NAP1L4: variants seen among roughly 807,000 people sequenced by gnomAD.
NAP1L4 encodes the protein nucleosome assembly protein 1 like 4.
NAP1L4 carries 15 observed loss-of-function variants against 58.2 expected under a neutral mutation model. The observed-to-expected ratio is 0.26, with a 90% CI of 0.17 to 0.40. The LOEUF (loss-of-function observed/expected upper bound fraction) is 0.40. Among genes scored for constraint, NAP1L4 ranks in the 10% least tolerant of loss-of-function variants. NAP1L4 has a pLI of 1.00. For missense variants in NAP1L4, 384 were observed against 451.1 expected (o/e 0.85, Z 1.35); for synonymous variants, 171 against 155.6 (o/e 1.10, Z -0.74).
At chr11:2,967,426 C>T (rs1847348999) in intron 7 of NAP1L4, among the ~76,000 whole-genome samples, 1 of 152,046 alleles carries the variant, frequency 6.6e-6, no homozygotes, top group Non-Finnish European at 1.5e-5. Context: ...TCCTGGCTAA[C>T]ACAGTGAAAC....
chr11:2,955,609 C>T lies in NAP1L4; in HGVS notation c.915+135G>A. On this transcript the variant is annotated intron_variant, in intron 11 of 15. Coordinates refer to ENST00000380542, the MANE Select transcript of NAP1L4 (RefSeq NM_005969.4). This position sits in a 1 kb window ranked among gnomAD's most constrained non-coding sequence, Gnocchi z 4.2. The stretch of plus-strand genomic sequence containing the variant: ...TCGTGCAGTCCTCCCACCTCAGCCT[C>T]CCAAAGCATTAAGATCACTGGCATA... 1 of 840,572 alleles carries T rather than the reference C, an allele frequency of 1.2e-6. No individual in the cohort carries two copies. 52.1% of individuals were successfully genotyped at this position (840,572 alleles called of 1,614,324 possible). A position where few individuals can be genotyped will look rare whatever the true frequency, so the allele number is the denominator to read the frequency against.
intron 1 of NAP1L4, among the ~76,000 whole-genome samples, chr11:2,986,687 C>T (rs529783499): frequency 6.8e-5 from 10 of 147,190 alleles, no homozygotes; most frequent in African/African-American, 1.8e-4. Flanking sequence ...CGTGCAGTGG[C>T]GCGATCTCGG....
intron 3 of NAP1L4, among the ~76,000 whole-genome samples, chr11:2,976,808 T>G (rs536175514): frequency 1.3e-5 from 2 of 152,276 alleles, no homozygotes; most frequent in East Asian, 3.9e-4. Flanking sequence ...CCTGACAAGG[T>G]AGTGACTGTC....
rs1339856698 is a variant in NAP1L4 at position 2,959,913 on chromosome 11, A to C, written c.607-4T>G. ...AGTGGAACTCTAACACAAAAGACTA[A>C]AAGTAGAAATTCAGAGTAAGCACCA... On this transcript the variant is annotated splice_polypyrimidine_tract_variant and splice_region_variant and intron_variant, in intron 8 of 15. Transcript: ENST00000380542. This position sits in a 1 kb window ranked among gnomAD's most constrained non-coding sequence, Gnocchi z 4.9. The C allele has an allele frequency of 6.2e-7, 1 of 1,613,862 alleles. No homozygotes were observed. The highest frequency in any genetic ancestry group is 1.3e-5 in the African/African-American group (1 of 74,920).
chr11:2,963,624 G>A (rs541274648), intron 8 of NAP1L4: 1 of 444,422 alleles, frequency 2.3e-6, no homozygotes, highest in East Asian at 5.6e-5. Context: ...CACTTGCAGT[G>A]AAGAAATCCC....
chr11:2,983,296 C>G (rs1468102), intron 1 of NAP1L4, among the ~76,000 whole-genome samples: 41,639 of 152,084 alleles, frequency 0.27, 7,457 homozygotes, highest in East Asian at 0.68. Flanking sequence ...GGTACCTGTT[C>G]CAACTTAACA....
rs1846399556 is a variant in NAP1L4 at position 2,954,297 on chromosome 11, T to C, written c.1035+230A>G. The C allele has an allele frequency of 1.6e-6, 1 of 620,972 alleles. No homozygotes were observed. Among genetic ancestry groups the C allele is most frequent in the Admixed American group, 2.8e-5 (1 of 35,632 alleles). 38.5% of individuals were successfully genotyped at this position (620,972 alleles called of 1,614,324 possible). A position where few individuals can be genotyped will look rare whatever the true frequency, so the allele number is the denominator to read the frequency against. On this transcript the variant is annotated intron_variant, in intron 12 of 15. Transcript: ENST00000380542. The surrounding 1 kb of genome is among the most constrained non-coding windows in gnomAD (Gnocchi z 4.8). ...CAGGGCTCACATAGGAAACTGGCAATCACCTCTGAAACTGCTTCACAGACA... is the reference window on the plus strand; with the variant it reads ...CAGGGCTCACATAGGAAACTGGCAACCACCTCTGAAACTGCTTCACAGACA...
At position 2,954,416 on chromosome 11, in the gene NAP1L4, G is replaced by T. The variant is rs768476801; in HGVS notation, c.1035+111C>A. On this transcript the variant is annotated intron_variant, in intron 12 of 15. Coordinates refer to ENST00000380542, the MANE Select transcript of NAP1L4 (RefSeq NM_005969.4). This position sits in a 1 kb window ranked among gnomAD's most constrained non-coding sequence, Gnocchi z 4.8. The stretch of plus-strand genomic sequence containing the variant: ...AGCTTGGACTACATATCTGGCTGAT[G>T]ATGTAATAAAAAGATTAGGCATGGG... 1 of 1,458,172 alleles carries T rather than the reference G, an allele frequency of 6.9e-7. No homozygotes were observed. Among genetic ancestry groups the T allele is most frequent in the Non-Finnish European group, 9.6e-7 (1 of 1,044,932 alleles). The allele number at this position is 1,458,172 out of a possible 1,614,324, so 90.3% of individuals were successfully genotyped here. A position where few individuals can be genotyped will look rare whatever the true frequency, so the allele number is the denominator to read the frequency against.
intron 7 of NAP1L4, among the ~76,000 whole-genome samples, 195 bp from the exon 8 acceptor site, chr11:2,964,946 A>C (rs1190498282): frequency 6.6e-6 from 1 of 152,220 alleles, no homozygotes; most frequent in Non-Finnish European, 1.5e-5. Context: ...AGCAGCACCA[A>C]GGTGTCCCCT....
Position 2,990,138 on chromosome 11 carries a change from T to G in NAP1L4, c.-18+2116A>C, listed in dbSNP as rs576160248. On this transcript the variant is annotated intron_variant, in intron 1 of 15. Transcript: ENST00000380542. Reference sequence around the variant, plus strand: ...AATTCACAAAAGTGTTATATGTGCCTATATGACATATAGGCACAAATAACT... The same window carrying G: ...AATTCACAAAAGTGTTATATGTGCCGATATGACATATAGGCACAAATAACT... 7.4e-3 allele frequency: 584 copies of G among 79,142 alleles called. 3 individuals carry two copies. The highest frequency in any genetic ancestry group is 0.042 in the African/African-American group (561 of 13,350). The allele number at this position is 79,142 out of a possible 1,614,324, so 4.9% of individuals were successfully genotyped here. A position where few individuals can be genotyped will look rare whatever the true frequency, so the allele number is the denominator to read the frequency against.
chr11:2,976,223 T>G, intron 3 of NAP1L4, 100 bp from the exon 4 acceptor site: 1 of 742,500 alleles, frequency 1.3e-6, no homozygotes, highest in Non-Finnish European at 2.2e-6. Context: ...TTGCCTAGAT[T>G]TACATCTACT....
At chr11:2,953,688 C>T (rs1475698354) in intron 12 of NAP1L4, among the ~76,000 whole-genome samples, 1 of 152,204 alleles carries the variant, frequency 6.6e-6, no homozygotes, top group African/African-American at 2.4e-5. Context: ...CCTATTCTCC[C>T]CACTGGTGGA....
intron 7 of NAP1L4, among the ~76,000 whole-genome samples, chr11:2,968,013 C>G (rs964229376): frequency 4.6e-5 from 7 of 152,164 alleles, no homozygotes; most frequent in Admixed American, 3.9e-4. Flanking sequence ...CTCCCAAACC[C>G]TGTTATCACT....
intron 7 of NAP1L4, among the ~76,000 whole-genome samples, chr11:2,968,988 G>GTTTTTTTTTT (rs61176259): frequency 8.8e-6 from 1 of 113,580 alleles, no homozygotes. Flanking sequence ...TTGTTGTGTT[G>GTTTTTTTTTT]TTTTTTTTTT....
At chr11:2,967,637 A>T (rs538654986) in intron 7 of NAP1L4, among the ~76,000 whole-genome samples, 4 of 129,672 alleles carry the variant, frequency 3.1e-5, no homozygotes, top group Admixed American at 2.8e-4. Flanking sequence ...AAATATTGTT[A>T]AAAAAAAAAA....
chr11:2,984,743 G>T (rs1001902690), intron 1 of NAP1L4, among the ~76,000 whole-genome samples: 1 of 152,176 alleles, frequency 6.6e-6, no homozygotes, highest in African/African-American at 2.4e-5. Context: ...CCACAAACTA[G>T]AAGACAGTGG....
chr11:2,992,005 C>G (rs1169372830), intron 1 of NAP1L4: 1 of 152,044 alleles, frequency 6.6e-6, no homozygotes, highest in Non-Finnish European at 1.5e-5. Flanking sequence ...GGGCGAGGCG[C>G]GCCGGGAGTT....
At chr11:2,967,854 G>A (rs1015044413) in intron 7 of NAP1L4, among the ~76,000 whole-genome samples, 2 of 152,102 alleles carry the variant, frequency 1.3e-5, no homozygotes, top group African/African-American at 4.8e-5. Flanking sequence ...AATGAGAAGG[G>A]ACACCCCATT....
At chr11:2,978,676 C>T (rs566306765) in intron 2 of NAP1L4, among the ~76,000 whole-genome samples, 141 of 152,284 alleles carry the variant, frequency 9.3e-4, no homozygotes, top group African/African-American at 3.3e-3. Flanking sequence ...CATCAACCAA[C>T]GAACATGTTA....
Sources: gnomAD v4.1 joint callset for allele counts (sites outside exome capture counted in the v4.1 genomes callset) on GRCh38, gnomAD v4.1.1 for gene constraint, Gnocchi (gnomAD v3.1) non-coding constraint, MANE v1.5 for transcripts, NCBI Gene and HGNC (gene_info 2026-07-23, HGNC 2026-07-21) for gene names.